TRIO: variants seen among roughly 807,000 people sequenced by gnomAD.
TRIO encodes triple functional domain protein.
Under a neutral mutation model 351.9 loss-of-function variants are expected in TRIO, and 58 were observed. The observed-to-expected ratio is 0.16, with a 90% CI of 0.13 to 0.21. The LOEUF is 0.21. Among genes scored for constraint, TRIO ranks in the 10% least tolerant of loss-of-function variants. The pLI is 1.00. For synonymous variants in TRIO, 1,758 were observed against 1,595.7 expected (o/e 1.10, Z -2.42); for missense variants, 3,201 against 4,027.8 (o/e 0.79, Z 5.56).
In TRIO at chr5:14,487,804, G is replaced by T. The variant is rs762931775; in HGVS notation, c.7176G>T (p.Arg2392Ser). The change falls in exon 48 of 57, where the codon AGG becomes AGT. Residue 2392 changes from arginine to serine, a missense_variant. Arg to Ser is a moderately radical substitution (Grantham distance 110). Around this residue, in one of 19 missense-constraint regions of TRIO, gnomAD observed 1,089 missense variants for 954.9 expected, o/e 1.14. Coordinates refer to ENST00000344204, the MANE Select transcript of TRIO (RefSeq NM_007118.4). ...AGGCCGGCCCCAGCGCGCCCAGCAGGCGGCCCCCCGGCGCGGACGCCGAGG... is the reference window on the plus strand; with the variant it reads ...AGGCCGGCCCCAGCGCGCCCAGCAGTCGGCCCCCCGGCGCGGACGCCGAGG... Reference protein sequence around the residue: ...APEAGPSAPSRRPPGADAEGS... With the variant: ...APEAGPSAPSSRPPGADAEGS... The T allele has an allele frequency of 2.6e-5, 37 of 1,414,360 alleles. No individual in the cohort carries two copies. Among genetic ancestry groups the T allele is most frequent in the Non-Finnish European group, 2.2e-5 (24 of 1,083,262 alleles). 87.6% of individuals were successfully genotyped at this position (1,414,360 alleles called of 1,614,324 possible).
chr5:14,143,982 C>T, intron 1 of TRIO, 100 bp downstream of exon 1: 2 of 905,828 alleles, frequency 2.2e-6, no homozygotes, highest in Non-Finnish European at 2.7e-6. Context: ...CGCTGGTGCC[C>T]GCCCGTCCGT....
At position 14,498,735 on chromosome 5, in the gene TRIO, G is replaced by A. The variant is rs921687366; in HGVS notation, c.8332+95G>A. 14 of 1,544,582 alleles carry A rather than the reference G, an allele frequency of 9.1e-6. No individual in the cohort carries two copies. The African/African-American group carries it at 1.8e-4, about 20-fold the overall frequency. ...TGAGTCTGCCCTTACACTCCAAGTG[G>A]CCTGAAAGATAGAACAATAAGTCAT... On this transcript the variant is annotated intron_variant, in intron 53 of 56. Transcript: ENST00000344204.
intron 1 of TRIO, among the ~76,000 whole-genome samples, chr5:14,210,097 G>A (rs1017674245): frequency 3.3e-5 from 5 of 152,230 alleles, no homozygotes; most frequent in African/African-American, 7.2e-5. Context: ...AGGGTATGGC[G>A]CCCCAGGTGG....
At chr5:14,394,713 C>T (rs1561436241) in intron 28 of TRIO, among the ~76,000 whole-genome samples, 1 of 152,182 alleles carries the variant, frequency 6.6e-6, no homozygotes, top group Non-Finnish European at 1.5e-5. Context: ...TGGAGTCAGG[C>T]TGACCTCTGC....
intron 48 of TRIO, chr5:14,489,255 C>G: frequency 2.1e-6 from 1 of 487,788 alleles, no homozygotes; most frequent in Non-Finnish European, 3.6e-6. Context: ...TCCTTTCCTA[C>G]TATTTTTTGT....
At chr5:14,425,500 A>C (rs765622107) in intron 34 of TRIO, among the ~76,000 whole-genome samples, 1 of 152,224 alleles carries the variant, frequency 6.6e-6, no homozygotes, top group Admixed American at 6.5e-5. Flanking sequence ...CTTGTGAATA[A>C]TGCTGCTATG....
Position 14,508,330 on chromosome 5 carries a change from T to G in TRIO, c.9202T>G (p.Ser3068Ala), listed in dbSNP as rs760482451. Residue 3068 changes from serine (S) to alanine (A), a missense_variant, in exon 57 of 57, where the codon TCC (serine) becomes GCC (alanine). Ser to Ala is a moderately conservative substitution (Grantham distance 99). Coordinates refer to ENST00000344204, the MANE Select transcript of TRIO (RefSeq NM_007118.4). ...TGVLDTSRLT[S>A]FIERRKHQND... is the part of the protein sequence containing the mutation. ...CGTCCTCGACACGTCCAGACTGACT[T>G]CCTTCATTGAGCGGCGCAAACACCA... The G allele has an allele frequency of 1.2e-6, 2 of 1,614,028 alleles. No homozygotes were observed. The highest frequency in any genetic ancestry group is 2.2e-5 in the South Asian group (2 of 91,076).
chr5:14,165,957 TATC>T (rs1354442265), intron 1 of TRIO, among the ~76,000 whole-genome samples: 2 of 152,256 alleles, frequency 1.3e-5, no homozygotes, highest in Non-Finnish European at 2.9e-5. Context: ...ATGGACTCCT[TATC>T]ATTCTGTTTT....
At chr5:14,496,113 A>G (rs1196904024) in intron 49 of TRIO, among the ~76,000 whole-genome samples, 1 of 152,332 alleles carries the variant, frequency 6.6e-6, no homozygotes, top group East Asian at 1.9e-4. Flanking sequence ...TTTTTAGCAA[A>G]TAAACTGTTT....
At chr5:14,378,225 C>T (rs925761099) in intron 20 of TRIO, 98 bp downstream of exon 20, 1 of 887,378 alleles carries the variant, frequency 1.1e-6, no homozygotes, top group African/African-American at 1.7e-5. Flanking sequence ...ATCTTGAAAA[C>T]CACTTTCTAA....
In TRIO at chr5:14,363,720, A is replaced by G; in HGVS notation, c.2392-12A>G. 1 of 1,608,874 alleles carries G rather than the reference A, an allele frequency of 6.2e-7. No individual in the cohort carries two copies. Among genetic ancestry groups the G allele is most frequent in the South Asian group, 1.1e-5 (1 of 90,856 alleles). On this transcript the variant is annotated splice_polypyrimidine_tract_variant and intron_variant, in intron 13 of 56. Transcript: ENST00000344204. ...TATTTTTTTTGTCTTGATCTTAAAT[A>G]CCTTCTTTCAGATTATCTCAGACCT...
At chr5:14,280,609 A>G (rs1482837582) in intron 3 of TRIO, among the ~76,000 whole-genome samples, 173 bp downstream of exon 3, 1 of 152,194 alleles carries the variant, frequency 6.6e-6, no homozygotes, top group Non-Finnish European at 1.5e-5. Context: ...GTCTAGTGTA[A>G]AGCCCTTTGG....
At chr5:14,221,789 A>G (rs1792643351) in intron 1 of TRIO, among the ~76,000 whole-genome samples, 1 of 152,256 alleles carries the variant, frequency 6.6e-6, no homozygotes, top group Non-Finnish European at 1.5e-5. Context: ...CTTGGTGAAG[A>G]TGCTGTGAAC....
chr5:14,266,396 G>C (rs1388167260), intron 1 of TRIO, among the ~76,000 whole-genome samples: 1 of 152,102 alleles, frequency 6.6e-6, no homozygotes, highest in Non-Finnish European at 1.5e-5. Flanking sequence ...TAGGTATCTA[G>C]GATACAGCAG....
chr5:14,364,581 C>T lies in TRIO; in HGVS notation c.2588-69C>T, dbSNP rs868423099. ...TCATTCACAAAAGCAGATTTTGTGCCATCCACCCTTTGAGAACAGAAGGTT... is the reference window on the plus strand; with the variant it reads ...TCATTCACAAAAGCAGATTTTGTGCTATCCACCCTTTGAGAACAGAAGGTT... On this transcript the variant is annotated intron_variant, in intron 14 of 56. Coordinates refer to ENST00000344204, the MANE Select transcript of TRIO (RefSeq NM_007118.4). 4.5e-5 allele frequency: 68 copies of T among 1,527,910 alleles called. No individual in the cohort carries two copies. In the Middle Eastern group the frequency reaches 1.1e-3, roughly 24 times the overall value. 94.6% of individuals were successfully genotyped at this position (1,527,910 alleles called of 1,614,324 possible).
chr5:14,236,926 A>G (rs976140289), intron 1 of TRIO, among the ~76,000 whole-genome samples: 3 of 152,282 alleles, frequency 2.0e-5, no homozygotes, highest in South Asian at 4.1e-4. Context: ...ACCTGTTTTT[A>G]TAACCTGAGA....
intron 1 of TRIO, among the ~76,000 whole-genome samples, chr5:14,193,873 TA>T (rs1197036435): frequency 6.9e-6 from 1 of 145,980 alleles, no homozygotes; most frequent in Non-Finnish European, 1.5e-5. Flanking sequence ...TTACTGTAGA[TA>T]ACAGTGACCG....
intron 34 of TRIO, among the ~76,000 whole-genome samples, chr5:14,441,682 CTG>C (rs1468357921): frequency 6.6e-6 from 1 of 152,178 alleles, no homozygotes; most frequent in Non-Finnish European, 1.5e-5. Flanking sequence ...GTAAAGTAAT[CTG>C]TGCTACAAAT....
chr5:14,462,635 G>C, intron 35 of TRIO, 120 bp from the exon 36 acceptor site: 1 of 1,377,310 alleles, frequency 7.3e-7, no homozygotes, highest in African/African-American at 1.4e-5. Flanking sequence ...GTCGAGAATA[G>C]CTTTGTTCCT....
Sources: gnomAD v4.1 joint callset for allele counts (sites outside exome capture counted in the v4.1 genomes callset) on GRCh38, gnomAD v4.1.1 for gene constraint, gnomAD v4.1.1 regional missense constraint, MANE v1.5 for transcripts, NCBI Gene and HGNC (gene_info 2026-07-23, HGNC 2026-07-21) for gene names.